GYG2: variants seen among roughly 807,000 people sequenced by gnomAD.
GYG2 encodes glycogenin 2, also known as glycogenin-2.
GYG2 carries 29 observed loss-of-function variants against 29.4 expected under a neutral mutation model. The observed-to-expected ratio is 0.99, with a 90% CI of 0.74 to 1.35. The LOEUF is 1.35. Ranked by LOEUF, GYG2 falls within the 40% of genes most tolerant of loss-of-function variation. The probability of loss-of-function intolerance (pLI) is 0.00; values close to 1 mark genes in which losing one functional copy is unlikely to be tolerated. For synonymous variants in GYG2, 167 were observed against 172.3 expected, an observed-to-expected ratio of 0.97 and a Z score of 0.24; for missense variants, 370 against 385.7, an observed-to-expected ratio of 0.96 and a Z score of 0.34.
chrX:2,864,244 G>A (rs2088242494), intron 8 of GYG2, among the ~76,000 whole-genome samples: 1 of 112,029 alleles, frequency 8.9e-6, no homozygotes, highest in Admixed American at 9.5e-5. Context: ...GGTGGTCGGG[G>A]CACAGCTTGC....
Position 2,844,021 on chromosome X carries a change from C to T in GYG2, c.149+667C>T, listed in dbSNP as rs777137824. ...AATAAAGCAAATACATAAATAAATG[C>T]GTCTAATGAATAAAGCATAAGGCTT... is the stretch of plus-strand genomic sequence containing the variant. On this transcript the variant is annotated intron_variant, in intron 3 of 10. Transcript: ENST00000398806. Among the ~76,000 whole-genome samples the T allele has an allele frequency of 8.0e-5, 9 of 111,886 alleles. No homozygotes were observed. The East Asian group carries it at 1.7e-3, about 21-fold the overall frequency.
intron 10 of GYG2, among the ~76,000 whole-genome samples, chrX:2,880,403 G>A (rs759232234): frequency 1.0e-4 from 9 of 86,646 alleles, no homozygotes; most frequent in Non-Finnish European, 2.0e-4. Flanking sequence ...TGGTGGGTGA[G>A]AGTATTAAAT....
chrX:2,856,370 A>G (rs1603459360), intron 5 of GYG2, 128 bp from the exon 6 acceptor site: 1 of 531,204 alleles, frequency 1.9e-6, no homozygotes. Context: ...CAGCTGGCAG[A>G]CAGAAGAAAT....
chrX:2,846,055 A>ATATATATATT (rs2087723665), intron 3 of GYG2, among the ~76,000 whole-genome samples: 2 of 38,679 alleles, frequency 5.2e-5, no homozygotes, highest in East Asian at 9.3e-4. Context: ...ATATATATAT[A>ATATATATATT]TTTTTTTTTT....
At chrX:2,845,717 A>ACATT (rs1262653021) in intron 3 of GYG2, among the ~76,000 whole-genome samples, 1 of 105,589 alleles carries the variant, frequency 9.5e-6, no homozygotes, top group Non-Finnish European at 1.9e-5. Flanking sequence ...GTATGTACAT[A>ACATT]TATTTATGCA....
intron 10 of GYG2, among the ~76,000 whole-genome samples, chrX:2,880,630 G>C (rs754325011): frequency 6.3e-4 from 71 of 112,114 alleles, no homozygotes; most frequent in Non-Finnish European, 9.6e-4. Context: ...AAGTGCTGCT[G>C]GGTGTGGAGG....
intron 2 of GYG2, 173 bp from the exon 3 acceptor site, chrX:2,843,040 T>C: frequency 1.9e-6 from 1 of 513,349 alleles, no homozygotes; most frequent in Non-Finnish European, 3.5e-6. Flanking sequence ...CTCGAACTCC[T>C]GAGGTCAAGC....
chrX:2,869,834 G>A (rs930775890), intron 8 of GYG2, among the ~76,000 whole-genome samples: 1 of 111,879 alleles, frequency 8.9e-6, no homozygotes, highest in Non-Finnish European at 1.9e-5. Context: ...GTAGAGATGG[G>A]TTTCACCATG....
intron 6 of GYG2, among the ~76,000 whole-genome samples, 172 bp downstream of exon 6, chrX:2,856,796 TATC>T (rs1434525361): frequency 1.3e-4 from 7 of 55,357 alleles, no homozygotes; most frequent in Non-Finnish European, 1.9e-4. Context: ...ATCATCTATC[TATC>T]ATCTATCTAT....
intron 8 of GYG2, among the ~76,000 whole-genome samples, chrX:2,870,846 G>A (rs1339148918): frequency 9.0e-6 from 1 of 111,628 alleles, no homozygotes; most frequent in Non-Finnish European, 1.9e-5. Context: ...GGTGGGTTTG[G>A]TTTTGTTGTT....
At chrX:2,869,138 A>G (rs1444656389) in intron 8 of GYG2, among the ~76,000 whole-genome samples, 5 of 112,231 alleles carry the variant, frequency 4.5e-5, no homozygotes, top group African/African-American at 1.6e-4. Flanking sequence ...GGGGAAACAA[A>G]ATTGCATCTG....
At chrX:2,869,421 C>T (rs1028981852) in intron 8 of GYG2, among the ~76,000 whole-genome samples, 33 of 111,053 alleles carry the variant, frequency 3.0e-4, no homozygotes, top group Admixed American at 2.6e-3. Flanking sequence ...TTCGTACTCC[C>T]GGTGGTCTTT....
intron 10 of GYG2, among the ~76,000 whole-genome samples, chrX:2,880,214 C>T (rs1259259554): frequency 9.8e-6 from 1 of 102,418 alleles, no homozygotes; most frequent in Admixed American, 1.1e-4. Flanking sequence ...GCATTTTCAT[C>T]TGTTTTTTCA....
At chrX:2,843,132 G>C (rs1205594290) in intron 2 of GYG2, 81 bp from the exon 3 acceptor site, 2 of 808,353 alleles carry the variant, frequency 2.5e-6, no homozygotes, top group African/African-American at 4.0e-5. Context: ...AATCTTGGGA[G>C]AGGAGAGGAG....
rs78471856 is a variant in GYG2 at position 2,837,005 on chromosome X, C to T, written c.8-6208C>T. 9.9e-5 allele frequency among the ~76,000 whole-genome samples: 11 copies of T among 111,287 alleles called. No individual in the cohort carries two copies. In the East Asian group the frequency reaches 2.8e-3, roughly 29 times the overall value. ...ACCACAACGTAATGAACAACCCCAA[C>T]ATTTTCTGTTGTGCCTCTCGGTTAA... On this transcript the variant is annotated intron_variant, in intron 2 of 10. Coordinates refer to ENST00000398806, the MANE Select transcript of GYG2 (RefSeq NM_001079855.2).
chrX:2,859,523 A>G (rs1359539718), intron 6 of GYG2, among the ~76,000 whole-genome samples: 1 of 110,735 alleles, frequency 9.0e-6, no homozygotes, highest in African/African-American at 3.3e-5. Flanking sequence ...ATTGTTATTG[A>G]TCATATATTG....
At position 2,881,904 on chromosome X, in the gene GYG2, G is replaced by A. The variant is rs1235411691; in HGVS notation, c.*691G>A. On this transcript the variant is annotated 3_prime_UTR_variant, in exon 11 of 11. Transcript: ENST00000398806. ...GAGGATCTAAACCGATTCACTTCCTGGTTGAGAAGCAACGAGGGCTTGCTC... is the reference window on the plus strand; with the variant it reads ...GAGGATCTAAACCGATTCACTTCCTAGTTGAGAAGCAACGAGGGCTTGCTC... 1 of 111,125 alleles carries A rather than the reference G, an allele frequency of 9.0e-6. No homozygotes were observed. Among genetic ancestry groups the A allele is most frequent in the African/African-American group, 3.3e-5 (1 of 30,541 alleles). 9.2% of individuals were successfully genotyped at this position (111,125 alleles called of 1,213,427 possible). A position where few individuals can be genotyped will look rare whatever the true frequency, so the allele number is the denominator to read the frequency against.
rs2088717036 is a variant in GYG2, at chrX:2,881,308, G to A, written c.*95G>A. On this transcript the variant is annotated 3_prime_UTR_variant, in exon 11 of 11. Coordinates refer to ENST00000398806, the MANE Select transcript of GYG2 (RefSeq NM_001079855.2). ...TCCTCTGGTCCTTTCAAAGGGAAAC[G>A]CTGTTGAACCTTGTGCCTCTATTTA... is the stretch of plus-strand genomic sequence containing the variant. The A allele has an allele frequency of 2.7e-6, 2 of 736,088 alleles. No homozygotes were observed. Among genetic ancestry groups the A allele is most frequent in the African/African-American group, 4.4e-5 (2 of 45,832 alleles). 60.7% of individuals were successfully genotyped at this position (736,088 alleles called of 1,213,427 possible). A position where few individuals can be genotyped will look rare whatever the true frequency, so the allele number is the denominator to read the frequency against.
rs2087927368 is a variant in GYG2 at position 2,854,163 on chromosome X, A to G, written c.324+9A>G. On this transcript the variant is annotated intron_variant, in intron 4 of 10. Transcript: ENST00000398806. The stretch of plus-strand genomic sequence containing the variant: ...TGGATGCAGACACTCTGGTGAGTGA[A>G]GACTCTCTGCTTGATAGGAAACCCT... The G allele has an allele frequency of 4.4e-6, 5 of 1,145,928 alleles. No homozygotes were observed. Among genetic ancestry groups the G allele is most frequent in the African/African-American group, 3.6e-5 (2 of 55,896 alleles). The allele number at this position is 1,145,928 out of a possible 1,213,427, so 94.4% of individuals were successfully genotyped here. A position where few individuals can be genotyped will look rare whatever the true frequency, so the allele number is the denominator to read the frequency against.
Sources: gnomAD v4.1 joint callset for allele counts (sites outside exome capture counted in the v4.1 genomes callset) on GRCh38, gnomAD v4.1.1 for gene constraint, MANE v1.5 for transcripts, NCBI Gene and HGNC (gene_info 2026-07-23, HGNC 2026-07-21) for gene names.